VSTM2L: variants seen among roughly 807,000 people sequenced by gnomAD.
VSTM2L encodes V-set and transmembrane domain containing 2 like.
Under a neutral mutation model 19.9 loss-of-function variants are expected in VSTM2L, and 9 were observed. The ratio of observed to expected loss-of-function variants is 0.45; its 90% CI spans 0.27 to 0.79. VSTM2L has a LOEUF of 0.79. Ranked by LOEUF, VSTM2L falls within the 30% of genes least tolerant of loss-of-function variation. The pLI is 0.15. For synonymous variants in VSTM2L, 127 were observed against 133.8 expected (o/e 0.95, Z 0.35); for missense variants, 286 against 295.5 (o/e 0.97, Z 0.24).
chr20:37,911,005 G>A (rs1204792024), intron 1 of VSTM2L, among the ~76,000 whole-genome samples: 1 of 151,824 alleles, frequency 6.6e-6, no homozygotes, highest in Non-Finnish European at 1.5e-5. Flanking sequence ...GGGCGCAGTG[G>A]CTCACACCTG....
chr20:37,931,722 C>T lies in VSTM2L; in HGVS notation c.209C>T (p.Pro70Leu), dbSNP rs143326210. 2.5e-4 allele frequency: 410 copies of T among 1,613,836 alleles called. No homozygotes were observed. In the African/African-American group the frequency reaches 5.0e-3, roughly 20 times the overall value. The change falls in exon 2 of 4, where the codon CCC (proline) becomes CTC (leucine). Residue 70 changes from proline to leucine, a missense_variant. Coordinates refer to ENST00000373461, the MANE Select transcript of VSTM2L (RefSeq NM_080607.3). ...TGCTCCTTCCGCGGCAGCGGCTCCC[C>T]CTCCTACTCGCTGGAGATCCAGTGG... ...MACSFRGSGS[P>L]SYSLEIQWWY...
At chr20:37,928,063 T>C (rs2072888329) in intron 1 of VSTM2L, among the ~76,000 whole-genome samples, 1 of 152,172 alleles carries the variant, frequency 6.6e-6, no homozygotes, top group Non-Finnish European at 1.5e-5. Context: ...GCTCAGGCAA[T>C]GGCACCTGGA....
At chr20:37,926,102 C>T (rs937857324) in intron 1 of VSTM2L, among the ~76,000 whole-genome samples, 3 of 152,178 alleles carry the variant, frequency 2.0e-5, no homozygotes, top group Admixed American at 6.5e-5. Flanking sequence ...GCTCTTGTTG[C>T]CCAGGCTGGA....
chr20:37,924,426 G>A (rs1048602050), intron 1 of VSTM2L, among the ~76,000 whole-genome samples: 1 of 132,200 alleles, frequency 7.6e-6, no homozygotes, highest in Non-Finnish European at 1.5e-5. Flanking sequence ...GGTGACGTGT[G>A]CCTGTAATCC....
At chr20:37,928,167 C>T (rs927634497) in intron 1 of VSTM2L, among the ~76,000 whole-genome samples, 21 of 152,288 alleles carry the variant, frequency 1.4e-4, no homozygotes, top group African/African-American at 5.1e-4. Context: ...CCCCTCTCCT[C>T]ATGTTTGCAA....
chr20:37,917,670 C>A (rs1318752704), intron 1 of VSTM2L, among the ~76,000 whole-genome samples: 2 of 152,210 alleles, frequency 1.3e-5, no homozygotes, highest in African/African-American at 4.8e-5. Flanking sequence ...ATCCTGGGCT[C>A]CCCCTCGCCC....
intron 1 of VSTM2L, among the ~76,000 whole-genome samples, chr20:37,921,157 G>A (rs909515138): frequency 6.6e-6 from 1 of 152,166 alleles, no homozygotes; most frequent in African/African-American, 2.4e-5. Flanking sequence ...AGACCTCTGG[G>A]GGCACCAAGC....
At chr20:37,903,764 A>T (rs1220153037) in intron 1 of VSTM2L, among the ~76,000 whole-genome samples, 2 of 152,038 alleles carry the variant, frequency 1.3e-5, no homozygotes, top group African/African-American at 4.8e-5. Flanking sequence ...CTGCTTTCTC[A>T]CACTCACAAC....
In VSTM2L at chr20:37,933,599, G is replaced by C; in HGVS notation, c.342+10G>C. The C allele has an allele frequency of 6.2e-7, 1 of 1,608,858 alleles. No individual in the cohort carries two copies. Among genetic ancestry groups the C allele is most frequent in the Non-Finnish European group, 8.5e-7 (1 of 1,177,160 alleles). On this transcript the variant is annotated intron_variant, in intron 3 of 3. Coordinates refer to ENST00000373461, the MANE Select transcript of VSTM2L (RefSeq NM_080607.3). Reference sequence around the variant, plus strand: ...GGCAACCAAAATAAGTGTGAGTTTTGATAATGACTTCTCGAAAGGGCTCTA... The same window carrying C: ...GGCAACCAAAATAAGTGTGAGTTTTCATAATGACTTCTCGAAAGGGCTCTA...
At chr20:37,906,873 A>G (rs2072754467) in intron 1 of VSTM2L, among the ~76,000 whole-genome samples, 1 of 152,200 alleles carries the variant, frequency 6.6e-6, no homozygotes, top group African/African-American at 2.4e-5. Context: ...TAGGTTAGAA[A>G]CAGGCAGCTG....
chr20:37,916,156 C>T (rs1400130890), intron 1 of VSTM2L, among the ~76,000 whole-genome samples: 1 of 152,232 alleles, frequency 6.6e-6, no homozygotes, highest in East Asian at 1.9e-4. Flanking sequence ...AATCCTGCCC[C>T]GCTCCAGCCT....
rs771460731 is a variant in VSTM2L at position 37,944,800 on chromosome 20, T to C, written c.*547T>C. On this transcript the variant is annotated 3_prime_UTR_variant, in exon 4 of 4. Coordinates refer to ENST00000373461, the MANE Select transcript of VSTM2L (RefSeq NM_080607.3). ...GGCAGTGGCTCTGCAGGGTCACTCATGGAGGCCTAGGGGAACAGCGAGATG... is the reference window on the plus strand; with the variant it reads ...GGCAGTGGCTCTGCAGGGTCACTCACGGAGGCCTAGGGGAACAGCGAGATG... 43 of 986,134 alleles carry C rather than the reference T, an allele frequency of 4.4e-5. No homozygotes were observed. The highest frequency in any genetic ancestry group is 6.1e-5 in the Admixed American group (1 of 16,264). The allele number at this position is 986,134 out of a possible 1,614,324, so 61.1% of individuals were successfully genotyped here.
chr20:37,930,768 G>T (rs1261922009), intron 1 of VSTM2L, among the ~76,000 whole-genome samples: 2 of 152,042 alleles, frequency 1.3e-5, no homozygotes, highest in African/African-American at 4.8e-5. Flanking sequence ...GGCAGGAGTG[G>T]CTCCCACCTC....
At position 37,944,055 on chromosome 20, in the gene VSTM2L, C is replaced by A; in HGVS notation, c.417C>A (p.Thr139=). The change falls in exon 4 of 4, where the codon ACC becomes ACA. Residue 139 remains threonine (T), a synonymous_variant. Transcript: ENST00000373461. ...GGGTGAAGCCCACGGACGAAGGCAC[C>A]TACGAGTGCCGCGTCATCGACTTCA... The part of the protein sequence containing the change: ...LSRVKPTDEG[T]YECRVIDFSD... 6.2e-7 allele frequency: 1 copy of A among 1,612,336 alleles called. No individual in the cohort carries two copies. The highest frequency in any genetic ancestry group is 8.5e-7 in the Non-Finnish European group (1 of 1,178,876).
chr20:37,936,527 C>T (rs2072941290), intron 3 of VSTM2L, among the ~76,000 whole-genome samples: 1 of 152,052 alleles, frequency 6.6e-6, no homozygotes, highest in Non-Finnish European at 1.5e-5. Flanking sequence ...TAATAATGGT[C>T]CAAGGTTGAG....
At chr20:37,910,769 T>C (rs1319527258) in intron 1 of VSTM2L, among the ~76,000 whole-genome samples, 3 of 151,552 alleles carry the variant, frequency 2.0e-5, no homozygotes, top group African/African-American at 7.3e-5. Context: ...AATACAGAAT[T>C]ACCCAGGTGT....
chr20:37,928,138 G>C (rs1023916373), intron 1 of VSTM2L, among the ~76,000 whole-genome samples: 2 of 152,166 alleles, frequency 1.3e-5, no homozygotes, highest in African/African-American at 4.8e-5. Context: ...GGTCATACCA[G>C]ATCCAACCAG....
chr20:37,910,000 G>A (rs1281520058), intron 1 of VSTM2L, among the ~76,000 whole-genome samples: 2 of 152,148 alleles, frequency 1.3e-5, no homozygotes, highest in African/African-American at 4.8e-5. Flanking sequence ...CTTCCTTGAA[G>A]CCATCAGGGC....
At chr20:37,913,206 A>T (rs555821538) in intron 1 of VSTM2L, among the ~76,000 whole-genome samples, 1 of 152,192 alleles carries the variant, frequency 6.6e-6, no homozygotes, top group East Asian at 1.9e-4. Context: ...TGGAAGTCAC[A>T]CTCCTCTTAA....
Sources: allele counts gnomAD v4.1 joint callset (sites outside exome capture counted in the v4.1 genomes callset), GRCh38; gene constraint gnomAD v4.1.1; transcripts MANE v1.5; gene names NCBI Gene and HGNC (gene_info 2026-07-23, HGNC 2026-07-21).